Variants in IMMP2L observed in about 807,000 individuals in gnomAD.
IMMP2L encodes inner mitochondrial membrane peptidase subunit 2, also known as mitochondrial inner membrane protease subunit 2.
A neutral mutation model predicts 19.3 loss-of-function variants in IMMP2L; 18 were observed. The ratio of observed to expected loss-of-function variants is 0.93; its 90% CI spans 0.64 to 1.38. The LOEUF (loss-of-function observed/expected upper bound fraction) is 1.38. Among genes scored for constraint, IMMP2L ranks in the 40% most tolerant of loss-of-function variants. The pLI is 0.00. For missense variants in IMMP2L, 233 were observed against 218.2 expected, an observed-to-expected ratio of 1.07 and a Z score of -0.43; for synonymous variants, 76 against 73.0, an observed-to-expected ratio of 1.04 and a Z score of -0.21.
chr7:111,533,010 T>A (rs1163225770), intron 1 of IMMP2L, among the ~76,000 whole-genome samples: 2 of 152,088 alleles, frequency 1.3e-5, no homozygotes, highest in Non-Finnish European at 2.9e-5. Flanking sequence ...CCCACAAACA[T>A]GCATGCACAC....
intron 3 of IMMP2L, among the ~76,000 whole-genome samples, chr7:111,465,201 T>C (rs1032470184): frequency 1.3e-5 from 2 of 152,138 alleles, no homozygotes; most frequent in Non-Finnish European, 2.9e-5. Context: ...CTATATGGTG[T>C]ACATCCTAAG....
At chr7:111,561,516 T>C (rs933163429) in intron 1 of IMMP2L, among the ~76,000 whole-genome samples, 2 of 152,144 alleles carry the variant, frequency 1.3e-5, no homozygotes, top group Middle Eastern at 3.2e-3. Flanking sequence ...TAGTCAAAGC[T>C]GGCTAATAAG....
rs117143412 is a variant in IMMP2L, at chr7:111,516,502, A to C, written c.135+4811T>G. Among the ~76,000 whole-genome samples the C allele has an allele frequency of 5.0e-4, 76 of 152,244 alleles. No homozygotes were observed. The East Asian group carries it at 0.014, about 29-fold the overall frequency. ...CACTACTCTTGCAACTTTTGTGTAA[A>C]TCTAAATTTACAACAAGTTTTTAAA... On this transcript the variant is annotated intron_variant, in intron 2 of 5. Coordinates refer to ENST00000405709, the MANE Select transcript of IMMP2L (RefSeq NM_032549.4).
At chr7:110,722,747 G>A (rs1307833937) in intron 5 of IMMP2L, among the ~76,000 whole-genome samples, 1 of 152,076 alleles carries the variant, frequency 6.6e-6, no homozygotes, top group Non-Finnish European at 1.5e-5. Context: ...TGGTTTAGAG[G>A]CCCTTCTTGT....
At chr7:110,917,241 C>T (rs1279872118) in intron 4 of IMMP2L, among the ~76,000 whole-genome samples, 1 of 152,166 alleles carries the variant, frequency 6.6e-6, no homozygotes, top group East Asian at 1.9e-4. Context: ...GGGAGCACAG[C>T]CCTTTCAATA....
At chr7:111,206,683 T>C (rs1377950455) in intron 3 of IMMP2L, among the ~76,000 whole-genome samples, 1 of 152,214 alleles carries the variant, frequency 6.6e-6, no homozygotes, top group African/African-American at 2.4e-5. Context: ...ATTTTAAATG[T>C]ACAGTTGAAT....
intron 3 of IMMP2L, among the ~76,000 whole-genome samples, chr7:111,347,655 C>T (rs1407562071): frequency 6.6e-6 from 1 of 152,014 alleles, no homozygotes; most frequent in African/African-American, 2.4e-5. Context: ...ATTTCCCAAT[C>T]ACCTGAGATC....
intron 4 of IMMP2L, among the ~76,000 whole-genome samples, chr7:110,948,027 TA>T (rs34493963): frequency 0.64 from 97,952 of 151,904 alleles, 32,444 homozygotes; most frequent in African/African-American, 0.79. Flanking sequence ...GTCAGCCCCC[TA>T]AATAAGGAAA....
intron 3 of IMMP2L, among the ~76,000 whole-genome samples, chr7:111,048,831 ATCTT>A (rs1342775698): frequency 1.3e-5 from 2 of 152,144 alleles, no homozygotes; most frequent in African/African-American, 4.8e-5. Flanking sequence ...CTGAGCATCT[ATCTT>A]CTGCAAAGAT....
intron 5 of IMMP2L, among the ~76,000 whole-genome samples, chr7:110,667,468 T>C (rs535772504): frequency 3.1e-4 from 47 of 152,326 alleles, no homozygotes; most frequent in African/African-American, 1.1e-3. Flanking sequence ...TGCTAACCAG[T>C]TGACCTTAAG....
chr7:111,059,069 G>C (rs2129574265), intron 3 of IMMP2L, among the ~76,000 whole-genome samples: 1 of 151,936 alleles, frequency 6.6e-6, no homozygotes, highest in East Asian at 1.9e-4. Flanking sequence ...TGCAACTTTT[G>C]CCTCCCGGGT....
chr7:111,413,374 C>T (rs2131534632), intron 3 of IMMP2L, among the ~76,000 whole-genome samples: 1 of 152,046 alleles, frequency 6.6e-6, no homozygotes, highest in Non-Finnish European at 1.5e-5. Context: ...CACCAAGCCT[C>T]CAAATCCAGA....
At chr7:110,914,287 G>C (rs1158295930) in intron 4 of IMMP2L, among the ~76,000 whole-genome samples, 1 of 152,120 alleles carries the variant, frequency 6.6e-6, no homozygotes, top group African/African-American at 2.4e-5. Flanking sequence ...GTTGATCTGG[G>C]AGCAACGGTT....
chr7:110,983,061 A>G (rs1411129077), intron 3 of IMMP2L, among the ~76,000 whole-genome samples: 1 of 152,086 alleles, frequency 6.6e-6, no homozygotes, highest in African/African-American at 2.4e-5. Context: ...ATAGTCATGC[A>G]ATTATCAACA....
intron 5 of IMMP2L, among the ~76,000 whole-genome samples, chr7:110,853,135 TAC>T (rs553008241): frequency 2.6e-5 from 4 of 151,178 alleles, no homozygotes; most frequent in Admixed American, 6.6e-5. Flanking sequence ...TATATCTGAG[TAC>T]ACACACACAC....
In IMMP2L at chr7:110,875,396, G is replaced by GT. The variant is rs201266780; in HGVS notation, c.408+11196dup. On this transcript the variant is annotated intron_variant, in intron 5 of 5. Transcript: ENST00000405709. ...GACTATGCTTTGTTTTTGTGTTTGT[G>GT]TTTTTTTTGTGACAGAAGAATGCAA... Among the ~76,000 whole-genome samples the GT allele has an allele frequency of 9.6e-3, 1,455 of 151,718 alleles. 38 individuals are homozygous for GT. The highest frequency in any genetic ancestry group is 0.037 in the Admixed American group (556 of 15,182).
At chr7:111,186,541 G>A (rs1808283307) in intron 3 of IMMP2L, among the ~76,000 whole-genome samples, 1 of 151,972 alleles carries the variant, frequency 6.6e-6, no homozygotes, top group Non-Finnish European at 1.5e-5. Context: ...CGATTCTCCT[G>A]CTTCAGCCTC....
intron 4 of IMMP2L, among the ~76,000 whole-genome samples, chr7:110,958,561 A>G (rs930514431): frequency 6.6e-6 from 1 of 152,086 alleles, no homozygotes; most frequent in Middle Eastern, 3.2e-3. Context: ...TGCTAATTGT[A>G]ATGCCCCATT....
intron 3 of IMMP2L, among the ~76,000 whole-genome samples, chr7:110,980,353 C>T (rs1821162397): frequency 6.6e-6 from 1 of 151,472 alleles, no homozygotes; most frequent in African/African-American, 2.4e-5. Context: ...TCAGCCTCTC[C>T]GAGTAGCTGG....
Sources: allele counts gnomAD v4.1 joint callset (sites outside exome capture counted in the v4.1 genomes callset), GRCh38; gene constraint gnomAD v4.1.1; transcripts MANE v1.5; gene names NCBI Gene and HGNC (gene_info 2026-07-23, HGNC 2026-07-21).